Variants in ACAP2 observed in about 807,000 individuals in gnomAD.
The protein encoded by ACAP2 is ArfGAP with coiled-coil, ankyrin repeat and PH domains 2, also known as arf-GAP with coiled-coil, ANK repeat and PH domain-containing protein 2.
ACAP2 carries 39 observed loss-of-function variants against 115.8 expected under a neutral mutation model. That is an observed-to-expected ratio of 0.34 (90% CI 0.26 to 0.44). ACAP2 has a LOEUF of 0.44. Among genes scored for constraint, ACAP2 ranks in the 20% least tolerant of loss-of-function variants. The pLI is 1.00. For missense variants in ACAP2, 662 were observed against 927.6 expected (o/e 0.71, Z 3.72); for synonymous variants, 289 against 315.8 (o/e 0.92, Z 0.90).
In ACAP2 at chr3:195,416,352, A is replaced by T. The variant is rs114388947; in HGVS notation, c.54-24205T>A. 6.1e-3 allele frequency among the ~76,000 whole-genome samples: 933 copies of T among 152,276 alleles called. 10 individuals are homozygous for T. Among genetic ancestry groups the T allele is most frequent in the African/African-American group, 0.021 (891 of 41,552 alleles). ...AGAGCAAGACGCCGTCAAAAAAAAA[A>T]AAAAAATCCTCAACATCACCATCGG... is the stretch of plus-strand genomic sequence containing the variant. On this transcript the variant is annotated intron_variant, in intron 1 of 22. Coordinates refer to ENST00000326793, the MANE Select transcript of ACAP2 (RefSeq NM_012287.6).
intron 4 of ACAP2, among the ~76,000 whole-genome samples, chr3:195,359,667 C>T (rs916358688): frequency 5.3e-5 from 8 of 152,170 alleles, no homozygotes; most frequent in Non-Finnish European, 1.0e-4. Context: ...CGGGGCTTCA[C>T]CGTGTTAGCC....
intron 4 of ACAP2, among the ~76,000 whole-genome samples, chr3:195,354,649 C>T (rs991722124): frequency 3.9e-5 from 6 of 152,118 alleles, no homozygotes; most frequent in Non-Finnish European, 8.8e-5. Context: ...CTGACAGTTT[C>T]TTTGATTGTG....
intron 4 of ACAP2, among the ~76,000 whole-genome samples, chr3:195,380,238 G>A (rs1733856104): frequency 6.6e-6 from 1 of 151,906 alleles, no homozygotes; most frequent in South Asian, 2.1e-4. Context: ...AATAAACATT[G>A]TCATATTACT....
chr3:195,375,476 T>C (rs893678509), intron 4 of ACAP2, among the ~76,000 whole-genome samples: 4 of 141,070 alleles, frequency 2.8e-5, no homozygotes, highest in African/African-American at 1.1e-4. Context: ...AGTGACTAAG[T>C]GTACAGCTCT....
chr3:195,287,404 AT>A (rs34303835), intron 21 of ACAP2, among the ~76,000 whole-genome samples: 38,546 of 147,504 alleles, frequency 0.26, 5,551 homozygotes, highest in East Asian at 0.71. Context: ...CACGTAAATA[AT>A]TTTTTTTTTT....
chr3:195,386,993 T>C (rs972484876), intron 2 of ACAP2, among the ~76,000 whole-genome samples: 28 of 151,872 alleles, frequency 1.8e-4, no homozygotes, highest in African/African-American at 6.5e-4. Context: ...AGCCATGAAA[T>C]AGGTATCAGA....
At chr3:195,440,126 A>G (rs1030635704) in intron 1 of ACAP2, among the ~76,000 whole-genome samples, 2 of 152,174 alleles carry the variant, frequency 1.3e-5, no homozygotes, top group African/African-American at 4.8e-5. Context: ...TTAGATGAAC[A>G]AGGTTTTTAG....
chr3:195,381,861 C>CTTTTTTTTTTT, intron 3 of ACAP2, 42 bp downstream of exon 3: 1 of 1,386,068 alleles, frequency 7.2e-7, no homozygotes, highest in East Asian at 2.6e-5. Flanking sequence ...TGTCTTATTG[C>CTTTTTTTTTTT]TTTTTTTTTT....
At position 195,302,093 on chromosome 3, in the gene ACAP2, T is replaced by C. The variant is rs1251534406; in HGVS notation, c.1198A>G (p.Ser400Gly). Reference protein sequence around the residue: ...ESKEKLLKGESALQRVQCIPG... With the variant: ...ESKEKLLKGEGALQRVQCIPG... ...ATACACTGGACCCGCTGAAGCGCAC[T>C]TTCTCCTTTCAATAATTTCTCTTTG... The change falls in exon 14 of 23, where the codon AGT (serine) becomes GGT (glycine). Residue 400 changes from serine to glycine, a missense_variant. By Grantham distance (56) the Ser-to-Gly change is moderately conservative (BLOSUM62 0). Coordinates refer to ENST00000326793, the MANE Select transcript of ACAP2 (RefSeq NM_012287.6). The C allele has an allele frequency of 6.2e-7, 1 of 1,614,066 alleles. No individual in the cohort carries two copies. The highest frequency in any genetic ancestry group is 8.5e-7 in the Non-Finnish European group (1 of 1,180,040).
intron 14 of ACAP2, 36 bp from the exon 15 acceptor site, chr3:195,301,680 T>G: frequency 6.3e-7 from 1 of 1,577,046 alleles, no homozygotes; most frequent in Non-Finnish European, 8.6e-7. Context: ...TACTATCAAG[T>G]CTCTGTTTGC....
chr3:195,435,483 T>G (rs578108089), intron 1 of ACAP2, among the ~76,000 whole-genome samples: 3 of 152,166 alleles, frequency 2.0e-5, no homozygotes, highest in African/African-American at 7.2e-5. Flanking sequence ...TTTTTAATAT[T>G]AGTGTTTGCA....
intron 2 of ACAP2, among the ~76,000 whole-genome samples, chr3:195,387,011 C>T (rs1308271576): frequency 6.6e-6 from 1 of 152,028 alleles, no homozygotes; most frequent in East Asian, 1.9e-4. Flanking sequence ...AGAAGTAGAA[C>T]AGAGGTCACC....
chr3:195,428,459 A>G (rs971864633), intron 1 of ACAP2, among the ~76,000 whole-genome samples: 13 of 151,938 alleles, frequency 8.6e-5, no homozygotes, highest in African/African-American at 3.1e-4. Flanking sequence ...TTATAATATC[A>G]TATTTTTACT....
chr3:195,285,968 T>C (rs1033670322), intron 21 of ACAP2, 111 bp from the exon 22 acceptor site: 1 of 792,436 alleles, frequency 1.3e-6, no homozygotes. Flanking sequence ...TTATTTGCCA[T>C]TAAAATAATC....
At chr3:195,424,345 A>G (rs1444415395) in intron 1 of ACAP2, among the ~76,000 whole-genome samples, 1 of 126,994 alleles carries the variant, frequency 7.9e-6, no homozygotes, top group South Asian at 2.5e-4. Context: ...CCCAGGCTGG[A>G]GTGCAGTGGC....
intron 4 of ACAP2, among the ~76,000 whole-genome samples, chr3:195,368,082 A>G (rs1732854240): frequency 6.6e-6 from 1 of 152,242 alleles, no homozygotes; most frequent in South Asian, 2.1e-4. Context: ...GGTATAATTC[A>G]GAATCTACAA....
intron 17 of ACAP2, chr3:195,295,099 T>C: frequency 3.5e-6 from 2 of 576,378 alleles, no homozygotes; most frequent in Non-Finnish European, 5.5e-6. Context: ...GTAAGTAACG[T>C]GTAATTCTGA....
rs56874761 is a variant in ACAP2 at position 195,437,210 on chromosome 3, ATT to A, written c.53+5583_53+5584del. Among the ~76,000 whole-genome samples the A allele has an allele frequency of 1.3e-4, 19 of 147,550 alleles. 1 individual carries two copies. The highest frequency in any genetic ancestry group is 4.3e-4 in the South Asian group (2 of 4,678). On this transcript the variant is annotated intron_variant, in intron 1 of 22. Coordinates refer to ENST00000326793, the MANE Select transcript of ACAP2 (RefSeq NM_012287.6). Reference sequence around the variant, plus strand: ...TACAGGCGTGGGCCACATTTGGCTAATTTTTTTTTTTTTGTAAAGACAGGGTC... The same window carrying A: ...TACAGGCGTGGGCCACATTTGGCTAATTTTTTTTTTTGTAAAGACAGGGTC...
At chr3:195,434,946 G>C (rs1715418690) in intron 1 of ACAP2, among the ~76,000 whole-genome samples, 1 of 150,382 alleles carries the variant, frequency 6.6e-6, no homozygotes, top group Admixed American at 6.6e-5. Context: ...CTTGAATGAA[G>C]TAATCTGAGT....
Sources: allele counts gnomAD v4.1 joint callset (sites outside exome capture counted in the v4.1 genomes callset), GRCh38; gene constraint gnomAD v4.1.1; transcripts MANE v1.5; gene names NCBI Gene and HGNC (gene_info 2026-07-23, HGNC 2026-07-21).